SLC16A1: variants seen among roughly 807,000 people sequenced by gnomAD.
The protein encoded by SLC16A1 is monocarboxylate transporter 1.
SLC16A1 carries 11 observed loss-of-function variants against 32.2 expected under a neutral mutation model. That is an observed-to-expected ratio of 0.34 (90% CI 0.21 to 0.56). The LOEUF (loss-of-function observed/expected upper bound fraction) is 0.56. Among genes scored for constraint, SLC16A1 ranks in the 20% least tolerant of loss-of-function variants. The pLI, the probability that SLC16A1 is intolerant of heterozygous loss-of-function variation, is 0.87. For missense variants in SLC16A1, 435 were observed against 615.0 expected (o/e 0.71, Z 3.10); for synonymous variants, 231 against 226.8 (o/e 1.02, Z -0.17).
intron 3 of SLC16A1, among the ~76,000 whole-genome samples, chr1:112,918,462 A>G (rs980662651): frequency 6.6e-6 from 1 of 152,208 alleles, no homozygotes; most frequent in Non-Finnish European, 1.5e-5. Flanking sequence ...TTATAACCAT[A>G]TAAGATCATT....
chr1:112,935,370 C>T (rs1305164717), intron 1 of SLC16A1, among the ~76,000 whole-genome samples: 1 of 151,994 alleles, frequency 6.6e-6, no homozygotes, highest in Non-Finnish European at 1.5e-5. Context: ...GATTGCACTA[C>T]TGTACTACAG....
intron 1 of SLC16A1, among the ~76,000 whole-genome samples, chr1:112,948,916 C>T (rs994574072): frequency 3.3e-5 from 5 of 152,190 alleles, no homozygotes; most frequent in South Asian, 4.1e-4. Flanking sequence ...CTGCAAGCTC[C>T]GCCTCCCGGG....
chr1:112,932,704 G>A (rs1557850674), intron 1 of SLC16A1, among the ~76,000 whole-genome samples: 1 of 140,908 alleles, frequency 7.1e-6, no homozygotes, highest in Non-Finnish European at 1.5e-5. Context: ...TGAGGCAGGA[G>A]AATCGCTTGA....
At chr1:112,944,992 C>T (rs966970182) in intron 1 of SLC16A1, among the ~76,000 whole-genome samples, 1 of 130,404 alleles carries the variant, frequency 7.7e-6, no homozygotes, top group Non-Finnish European at 1.6e-5. Context: ...TGCACCCAGC[C>T]TCTTTTTTTT....
chr1:112,930,397 GA>G (rs375728925), intron 1 of SLC16A1, among the ~76,000 whole-genome samples: 117 of 147,132 alleles, frequency 8.0e-4, no homozygotes, highest in African/African-American at 2.2e-3. Context: ...TGTGTAAGAG[GA>G]AAAAAAAAAG....
At chr1:112,938,434 T>C (rs1012473488) in intron 1 of SLC16A1, among the ~76,000 whole-genome samples, 2 of 152,180 alleles carry the variant, frequency 1.3e-5, no homozygotes, top group South Asian at 4.2e-4. Context: ...ACTGAATACA[T>C]TGAGGAAACC....
intron 2 of SLC16A1, among the ~76,000 whole-genome samples, chr1:112,922,865 T>C (rs1308408476): frequency 6.6e-6 from 1 of 152,232 alleles, no homozygotes; most frequent in African/African-American, 2.4e-5. Flanking sequence ...GACGTATAAA[T>C]GCATCTAGAT....
chr1:112,954,997 GA>G (rs995844840), intron 1 of SLC16A1, among the ~76,000 whole-genome samples: 5 of 149,602 alleles, frequency 3.3e-5, no homozygotes, highest in South Asian at 2.1e-4. Context: ...AGTAATTTTT[GA>G]AAAAAAAATT....
rs1381737474 is a variant in SLC16A1 at position 112,914,119 on chromosome 1, T to C, written c.1275A>G (p.Ala425=). ...MYGDYKYTYW[A]CGVVLIISGI... ...CTGAAATAATTAGGACGACGCCACA[T>C]GCCCAGTATGTGTATTTGTAGTCTC... The change falls in exon 5 of 5, where the codon GCA becomes GCG. Residue 425 remains alanine, a synonymous_variant. Coordinates refer to ENST00000369626, the MANE Select transcript of SLC16A1 (RefSeq NM_003051.4). The C allele has an allele frequency of 6.2e-7, 1 of 1,614,210 alleles. No individual in the cohort carries two copies. The highest frequency in any genetic ancestry group is 2.2e-5 in the East Asian group (1 of 44,888).
intron 1 of SLC16A1, among the ~76,000 whole-genome samples, chr1:112,948,997 A>AT (rs1649798829): frequency 1.3e-5 from 2 of 151,394 alleles, no homozygotes; most frequent in African/African-American, 4.9e-5. Flanking sequence ...TGCCCGGTTA[A>AT]TTTTTTGTAT....
intron 1 of SLC16A1, among the ~76,000 whole-genome samples, chr1:112,939,405 G>A (rs1649424951): frequency 6.6e-6 from 1 of 152,160 alleles, no homozygotes; most frequent in Non-Finnish European, 1.5e-5. Context: ...CTGAAATCTG[G>A]ATCTCAAAGA....
rs1336520871 is a variant in SLC16A1 at position 112,914,086 on chromosome 1, A to C, written c.1308T>G (p.Tyr436Ter). 6.2e-7 allele frequency: 1 copy of C among 1,614,192 alleles called. No individual in the cohort carries two copies. The highest frequency in any genetic ancestry group is 1.1e-5 in the South Asian group (1 of 91,090). Residue 436 changes from tyrosine to a stop codon, truncating the protein, a stop_gained, in exon 5 of 5, where the codon TAT (tyrosine) becomes TAG (stop). Transcript: ENST00000369626. LOFTEE classifies it low-confidence loss of function (END_TRUNC). ...CGVVLIISGI[Y>*]LFIGMGINYR... The stretch of plus-strand genomic sequence containing the variant: ...AATTGATGCCCATGCCAATGAAGAG[A>C]TAGATACCTGAAATAATTAGGACGA...
intron 2 of SLC16A1, chr1:112,924,162 T>G: frequency 6.8e-7 from 1 of 1,465,992 alleles, no homozygotes. Flanking sequence ...CTGGTGGATG[T>G]ACCACCACTC....
At chr1:112,933,455 CA>C (rs55668332) in intron 1 of SLC16A1, among the ~76,000 whole-genome samples, 2,892 of 83,686 alleles carry the variant, frequency 0.035, 21 homozygotes, top group African/African-American at 0.055. Flanking sequence ...GACTGCGTCT[CA>C]AAAAAAAAAA....
chr1:112,918,796 C>T (rs1349316117), intron 3 of SLC16A1, among the ~76,000 whole-genome samples: 1 of 152,094 alleles, frequency 6.6e-6, no homozygotes, highest in Admixed American at 6.6e-5. Context: ...GAGAAAGAAC[C>T]TGTCTCAAAA....
chr1:112,923,704 C>A (rs1648824486), intron 2 of SLC16A1: 8 of 1,537,696 alleles, frequency 5.2e-6, no homozygotes, highest in Admixed American at 3.3e-5. Context: ...GACCACAGCA[C>A]CCCGGTGGAA....
At chr1:112,947,681 C>T (rs1390969577) in intron 1 of SLC16A1, among the ~76,000 whole-genome samples, 1 of 152,100 alleles carries the variant, frequency 6.6e-6, no homozygotes, top group East Asian at 1.9e-4. Context: ...CTAATCTCTT[C>T]TAATAACTTT....
At chr1:112,915,965 T>C (rs1023017796) in intron 4 of SLC16A1, among the ~76,000 whole-genome samples, 1 of 152,112 alleles carries the variant, frequency 6.6e-6, no homozygotes, top group African/African-American at 2.4e-5. Context: ...AGTTCCCAAG[T>C]TGTAATTAAT....
At chr1:112,921,432 GGT>G (rs1324852943) in intron 3 of SLC16A1, among the ~76,000 whole-genome samples, 1 of 151,910 alleles carries the variant, frequency 6.6e-6, no homozygotes, top group Non-Finnish European at 1.5e-5. Flanking sequence ...ACAAAAATCT[GGT>G]TATAAAATAT....
Sources: gnomAD v4.1 joint callset for allele counts (sites outside exome capture counted in the v4.1 genomes callset) on GRCh38, gnomAD v4.1.1 for gene constraint, MANE v1.5 for transcripts, NCBI Gene and HGNC (gene_info 2026-07-23, HGNC 2026-07-21) for gene names.